The following LAMP2 variants were observed in gnomAD, a reference collection of about 807,000 sequenced individuals.
LAMP2 encodes the protein lysosome associated membrane protein 2.
In LAMP2, 4 loss-of-function variants were observed where a neutral mutation model predicts 25.6. That is an observed-to-expected ratio of 0.16 (90% confidence interval 0.08 to 0.36). The LOEUF (loss-of-function observed/expected upper bound fraction) is 0.36, where lower values mean the gene tolerates loss of function less well. LAMP2 is among the 10% of genes least tolerant of loss of function. The probability of loss-of-function intolerance (pLI) is 1.00; values close to 1 mark genes in which losing one functional copy is unlikely to be tolerated. For missense variants in LAMP2, 272 were observed against 301.4 expected, an observed-to-expected ratio of 0.90 and a Z score of 0.72; for synonymous variants, 108 against 112.7, an observed-to-expected ratio of 0.96 and a Z score of 0.27.
At chrX:120,439,049 A>G in intron 8 of LAMP2, 9 of 1,173,330 alleles carry the variant, frequency 7.7e-6, no homozygotes, top group Non-Finnish European at 1.0e-5. Context: ...CACCCATTCT[A>G]AAGAGCTGGA....
At chrX:120,454,914 T>C (rs182651556) in intron 3 of LAMP2, among the ~76,000 whole-genome samples, 1,250 of 69,773 alleles carry the variant, frequency 0.018, 18 homozygotes, top group African/African-American at 0.054. Flanking sequence ...TATATATATA[T>C]ACACACACAC....
chrX:120,437,886 G>A (rs2058552540), intron 8 of LAMP2: 8 of 664,146 alleles, frequency 1.2e-5, no homozygotes, highest in South Asian at 7.8e-5. Flanking sequence ...ATGGAGTTTC[G>A]TTTTTGTCGC....
intron 8 of LAMP2, chrX:120,437,891 T>C: frequency 3.1e-6 from 2 of 644,751 alleles, no homozygotes; most frequent in Non-Finnish European, 3.7e-6. Context: ...GTTTCGTTTT[T>C]GTCGCCCAGG....
At chrX:120,461,047 T>C (rs1328040887) in intron 1 of LAMP2, among the ~76,000 whole-genome samples, 9 of 112,798 alleles carry the variant, frequency 8.0e-5, no homozygotes, top group Non-Finnish European at 1.3e-4. Context: ...TTACAAACAC[T>C]GCTGCAAACA....
chrX:120,430,602 T>C lies in LAMP2; in HGVS notation c.*721A>G. 1 of 753,423 alleles carries C rather than the reference T, an allele frequency of 1.3e-6. No individual in the cohort carries two copies. The highest frequency in any genetic ancestry group is 1.6e-6 in the Non-Finnish European group (1 of 638,317). 62.1% of individuals were successfully genotyped at this position (753,423 alleles called of 1,213,427 possible). Reference sequence around the variant, plus strand: ...ATGCTTGGATCTTTTCAGTCTATATTGCTGAAAAACAAACAATTATCTTAA... The same window carrying C: ...ATGCTTGGATCTTTTCAGTCTATATCGCTGAAAAACAAACAATTATCTTAA... On this transcript the variant is annotated 3_prime_UTR_variant, in exon 9 of 9. Transcript: ENST00000200639.
chrX:120,431,227 A>G lies in LAMP2; in HGVS notation c.*96T>C, dbSNP rs1050285762. 1.7e-6 allele frequency: 2 copies of G among 1,194,374 alleles called. No individual in the cohort carries two copies. Among genetic ancestry groups the G allele is most frequent in the Non-Finnish European group, 2.3e-6 (2 of 882,939 alleles). ...TTGATAAAAGAATTAAAGTTTCAAC[A>G]TATCAATTTTAAGAAGCAAAGTGTT... On this transcript the variant is annotated 3_prime_UTR_variant, in exon 9 of 9. Coordinates refer to ENST00000200639, the MANE Select transcript of LAMP2 (RefSeq NM_002294.3).
chrX:120,462,168 C>T (rs182028374), intron 1 of LAMP2, among the ~76,000 whole-genome samples: 99 of 111,081 alleles, frequency 8.9e-4, no homozygotes, highest in African/African-American at 2.8e-3. Flanking sequence ...ATCAACCGTT[C>T]TCAAAGTCAA....
chrX:120,465,038 C>T (rs966198600), intron 1 of LAMP2, among the ~76,000 whole-genome samples: 1 of 111,551 alleles, frequency 9.0e-6, no homozygotes, highest in African/African-American at 3.3e-5. Context: ...CCACCATGCC[C>T]GGCCTCTTCA....
At position 120,451,474 on chromosome X, in the gene LAMP2, G is replaced by T. The variant is rs542938364; in HGVS notation, c.398-2346C>A. 4.6e-5 allele frequency among the ~76,000 whole-genome samples: 5 copies of T among 109,694 alleles called. No homozygotes were observed. In the South Asian group the frequency reaches 1.9e-3, roughly 42 times the overall value. ...AAATTAGTTTTTTTTGTTGTTGTTG[G>T]GGGTGGGTAAGGAAGGGTCTCCCTC... On this transcript the variant is annotated intron_variant, in intron 3 of 8. Transcript: ENST00000200639.
Position 120,430,446 on chromosome X carries a change from G to A in LAMP2, c.*877C>T, listed in dbSNP as rs917570754. 1 of 750,954 alleles carries A rather than the reference G, an allele frequency of 1.3e-6. No individual in the cohort carries two copies. The highest frequency in any genetic ancestry group is 8.7e-5 in the Admixed American group (1 of 11,445). 61.9% of individuals were successfully genotyped at this position (750,954 alleles called of 1,213,427 possible). A position where few individuals can be genotyped will look rare whatever the true frequency, so the allele number is the denominator to read the frequency against. On this transcript the variant is annotated 3_prime_UTR_variant, in exon 9 of 9. Transcript: ENST00000200639. ...ACTAAATAGATTTTAATGCTCCAGA[G>A]ATCAACAAGATGAGGTAGAGAAACA...
chrX:120,441,570 G>A (rs1270063665), intron 8 of LAMP2, among the ~76,000 whole-genome samples, 160 bp downstream of exon 8: 4 of 112,010 alleles, frequency 3.6e-5, no homozygotes, highest in Non-Finnish European at 7.5e-5. Context: ...AAAACATCTC[G>A]GTTGAGCAAA....
Position 120,431,195 on chromosome X carries a change from G to A in LAMP2, c.*128C>T. 8.5e-6 allele frequency: 10 copies of A among 1,175,417 alleles called. No individual in the cohort carries two copies. Among genetic ancestry groups the A allele is most frequent in the African/African-American group, 1.8e-5 (1 of 56,610 alleles). On this transcript the variant is annotated 3_prime_UTR_variant, in exon 9 of 9. Coordinates refer to ENST00000200639, the MANE Select transcript of LAMP2 (RefSeq NM_002294.3). Reference sequence around the variant, plus strand: ...TATTAATAAAGACTGATCTCAAAATGCTGGGATTGATAAAAGAATTAAAGT... The same window carrying A: ...TATTAATAAAGACTGATCTCAAAATACTGGGATTGATAAAAGAATTAAAGT...
intron 8 of LAMP2, among the ~76,000 whole-genome samples, chrX:120,436,021 G>C (rs2058541270): frequency 9.0e-6 from 1 of 110,506 alleles, no homozygotes; most frequent in Non-Finnish European, 1.9e-5. Context: ...CTCAACTTAG[G>C]AATTGAGAAA....
chrX:120,466,103 C>G (rs925482571), intron 1 of LAMP2, among the ~76,000 whole-genome samples: 3 of 111,900 alleles, frequency 2.7e-5, no homozygotes, highest in African/African-American at 9.8e-5. Context: ...GGGAATCAAT[C>G]TTGGAAATTT....
At position 120,447,951 on chromosome X, in the gene LAMP2, T is replaced by C; in HGVS notation, c.631A>G (p.Thr211Ala). Residue 211 changes from threonine to alanine, a missense_variant, in exon 5 of 9, where the codon ACA becomes GCA. Physicochemically the swap from Thr to Ala is moderately conservative, Grantham distance 58. Transcript: ENST00000200639. ...TCTGGTTTTTCCTTTGGAGTAGGTGTTGTAGTAGGAGATGGCACAGTGGTG... is the reference window on the plus strand; with the variant it reads ...TCTGGTTTTTCCTTTGGAGTAGGTGCTGTAGTAGGAGATGGCACAGTGGTG... ...IHTTVPSPTTTPTPKEKPEAG... is the reference protein window; with the variant it reads ...IHTTVPSPTTAPTPKEKPEAG... The C allele has an allele frequency of 8.3e-7, 1 of 1,209,915 alleles. No homozygotes were observed. The highest frequency in any genetic ancestry group is 1.1e-6 in the Non-Finnish European group (1 of 894,003).
rs767349787 is a variant in LAMP2, at chrX:120,464,413, T to C, written c.64+4693A>G. Among the ~76,000 whole-genome samples the C allele has an allele frequency of 3.1e-3, 347 of 111,579 alleles. 2 individuals carry two copies. Among genetic ancestry groups the C allele is most frequent in the Non-Finnish European group, 5.6e-3 (295 of 53,057 alleles). ...TACGGGTTAACCATGTACCAGACCC[T>C]ATGCTAGGTAGGCAATGGGAAGTAA... On this transcript the variant is annotated intron_variant, in intron 1 of 8. Coordinates refer to ENST00000200639, the MANE Select transcript of LAMP2 (RefSeq NM_002294.3).
intron 6 of LAMP2, 57 bp from the exon 7 acceptor site, chrX:120,442,719 G>T: frequency 1.1e-6 from 1 of 920,701 alleles, no homozygotes. Flanking sequence ...ACAGATAACA[G>T]ATACGGTTAA....
intron 1 of LAMP2, among the ~76,000 whole-genome samples, chrX:120,461,318 C>T (rs369029490): frequency 8.0e-5 from 9 of 111,864 alleles, no homozygotes; most frequent in African/African-American, 2.9e-4. Flanking sequence ...AATGCACATC[C>T]CATTTCAGTA....
At chrX:120,460,966 AAAAC>A (rs1317637535) in intron 1 of LAMP2, among the ~76,000 whole-genome samples, 4 of 112,215 alleles carry the variant, frequency 3.6e-5, no homozygotes, top group African/African-American at 9.7e-5. Flanking sequence ...AAAAAAAACA[AAAAC>A]AAACAAACAA....
Sources: gnomAD v4.1 joint callset for allele counts (sites outside exome capture counted in the v4.1 genomes callset) on GRCh38, gnomAD v4.1.1 for gene constraint, MANE v1.5 for transcripts, NCBI Gene and HGNC (gene_info 2026-07-23, HGNC 2026-07-21) for gene names.